Variants in NARS2 observed in about 807,000 individuals in gnomAD.
The protein encoded by NARS2 is asparaginyl-tRNA synthetase 2, mitochondrial.
In NARS2, 60 loss-of-function variants were observed where a neutral mutation model predicts 62.9. The observed-to-expected ratio is 0.95, with a 90% CI of 0.77 to 1.18. NARS2 has a LOEUF of 1.18. NARS2 is among the 50% of genes most tolerant of loss of function. The probability of loss-of-function intolerance (pLI) is 0.00; values close to 1 mark genes in which losing one functional copy is unlikely to be tolerated. For missense variants in NARS2, 619 were observed against 576.4 expected, an observed-to-expected ratio of 1.07 and a Z score of -0.76; for synonymous variants, 196 against 200.0, an observed-to-expected ratio of 0.98 and a Z score of 0.17.
At chr11:78,489,646 A>T (rs1233642029) in intron 7 of NARS2, among the ~76,000 whole-genome samples, 2 of 152,178 alleles carry the variant, frequency 1.3e-5, no homozygotes, top group Non-Finnish European at 2.9e-5. Flanking sequence ...TCCCTTCTGG[A>T]TACCAAAAGA....
intron 10 of NARS2, among the ~76,000 whole-genome samples, chr11:78,466,505 G>C (rs1858629240): frequency 6.6e-6 from 1 of 151,932 alleles, no homozygotes. Flanking sequence ...TTTTGAGACA[G>C]AGTCTGGCTG....
intron 5 of NARS2, among the ~76,000 whole-genome samples, chr11:78,553,249 T>C (rs1210245145): frequency 2.6e-5 from 4 of 152,164 alleles, no homozygotes; most frequent in African/African-American, 4.8e-5. Flanking sequence ...GCCTCAAGCA[T>C]GTCTTCTAAC....
At chr11:78,477,761 C>T (rs1358793625) in intron 9 of NARS2, among the ~76,000 whole-genome samples, 1 of 152,156 alleles carries the variant, frequency 6.6e-6, no homozygotes, top group African/African-American at 2.4e-5. Context: ...GACTAATCTC[C>T]TCCTGAGAAA....
At chr11:78,441,192 G>T in intron 12 of NARS2, 75 bp from the exon 13 acceptor site, 1 of 1,371,280 alleles carries the variant, frequency 7.3e-7, no homozygotes, top group Non-Finnish European at 1.0e-6. Context: ...TTTATTCTGG[G>T]TGTGTGCAAA....
intron 6 of NARS2, among the ~76,000 whole-genome samples, chr11:78,508,235 T>C (rs768162989): frequency 6.2e-4 from 94 of 152,018 alleles, no homozygotes; most frequent in Non-Finnish European, 1.1e-3. Flanking sequence ...AGAGATTAAG[T>C]GACCTGTGGG....
At chr11:78,481,470 A>G (rs1422035442) in intron 7 of NARS2, among the ~76,000 whole-genome samples, 1 of 152,184 alleles carries the variant, frequency 6.6e-6, no homozygotes, top group Non-Finnish European at 1.5e-5. Flanking sequence ...ATATGCCTGC[A>G]CTGTTGAGGG....
intron 6 of NARS2, among the ~76,000 whole-genome samples, chr11:78,508,921 C>G (rs1860608900): frequency 6.6e-6 from 1 of 151,920 alleles, no homozygotes; most frequent in Non-Finnish European, 1.5e-5. Flanking sequence ...TTGAGACCAG[C>G]CTGGCCAACA....
intron 11 of NARS2, among the ~76,000 whole-genome samples, chr11:78,464,170 C>G (rs941690712): frequency 8.6e-5 from 13 of 150,986 alleles, no homozygotes; most frequent in African/African-American, 3.2e-4. Context: ...GCTCTTTAGG[C>G]GGCGTGTCTG....
In NARS2 at chr11:78,436,831, G is replaced by GA. The variant is rs770946842; in HGVS notation, c.1290-18dup. Reference sequence around the variant, plus strand: ...TCCAGATACCTGTTTTTCAAAAATAGAAAATCATCATCTATATATAGTATA... The same window carrying GA: ...TCCAGATACCTGTTTTTCAAAAATAGAAAAATCATCATCTATATATAGTATA... On this transcript the variant is annotated splice_polypyrimidine_tract_variant and intron_variant, in intron 13 of 13. Coordinates refer to ENST00000281038, the MANE Select transcript of NARS2 (RefSeq NM_024678.6). 4 of 1,611,544 alleles carry GA rather than the reference G, an allele frequency of 2.5e-6. No homozygotes were observed. In the East Asian group the frequency reaches 8.9e-5, roughly 36 times the overall value.
intron 4 of NARS2, among the ~76,000 whole-genome samples, chr11:78,563,844 AAAAAAAAATAT>A (rs1590870587): frequency 1.5e-5 from 1 of 66,096 alleles, no homozygotes; most frequent in South Asian, 5.2e-4. Context: ...AAAAAAAAAA[AAAAAAAAATAT>A]ATATATATAT....
At chr11:78,449,172 G>A (rs1350758671) in intron 11 of NARS2, among the ~76,000 whole-genome samples, 2 of 118,090 alleles carry the variant, frequency 1.7e-5, no homozygotes, top group Non-Finnish European at 3.2e-5. Context: ...GTCTTGCTCT[G>A]TCACCCAGGC....
At chr11:78,544,275 T>C (rs996942967) in intron 5 of NARS2, among the ~76,000 whole-genome samples, 6 of 152,324 alleles carry the variant, frequency 3.9e-5, no homozygotes, top group African/African-American at 1.4e-4. Context: ...AATATTCTTA[T>C]AATGGCCTAA....
intron 1 of NARS2, chr11:78,573,126 G>A (rs1856990130): frequency 6.6e-6 from 1 of 152,194 alleles, no homozygotes; most frequent in South Asian, 2.1e-4. Flanking sequence ...GGAGCAGATT[G>A]GTCATACCGC....
In NARS2 at chr11:78,463,647, T is replaced by C. The variant is rs938750793; in HGVS notation, c.1164+2229A>G. Among the ~76,000 whole-genome samples, 10 of 137,342 alleles carry C rather than the reference T, an allele frequency of 7.3e-5. No individual in the cohort carries two copies. The East Asian group carries it at 1.2e-3, about 16-fold the overall frequency. The allele number at this position is 137,342 out of a possible 152,430, so 90.1% of individuals were successfully genotyped here. A position where few individuals can be genotyped will look rare whatever the true frequency, so the allele number is the denominator to read the frequency against. ...GTTGCAGTGAGCTGAGATCACGCCA[T>C]TGCACCCCAGCCTGGGTGACAAGAG... On this transcript the variant is annotated intron_variant, in intron 11 of 13. Transcript: ENST00000281038.
intron 2 of NARS2, among the ~76,000 whole-genome samples, chr11:78,570,852 G>C (rs1369114530): frequency 6.6e-6 from 1 of 152,162 alleles, no homozygotes; most frequent in Non-Finnish European, 1.5e-5. Flanking sequence ...GATTCAAATA[G>C]GAATACAGTT....
intron 6 of NARS2, among the ~76,000 whole-genome samples, chr11:78,525,267 C>T (rs1861255442): frequency 6.6e-6 from 1 of 151,842 alleles, no homozygotes; most frequent in Admixed American, 6.6e-5. Context: ...AGTGAATGCT[C>T]GTAAAAGCTA....
intron 9 of NARS2, among the ~76,000 whole-genome samples, chr11:78,474,457 A>C (rs958970332): frequency 2.0e-5 from 3 of 152,262 alleles, no homozygotes; most frequent in African/African-American, 7.2e-5. Flanking sequence ...AAAAAATAAT[A>C]ATTTACTCAT....
At position 78,520,554 on chromosome 11, in the gene NARS2, G is replaced by A. The variant is rs1404759477; in HGVS notation, c.689+8288C>T. Among the ~76,000 whole-genome samples, 5 of 152,262 alleles carry A rather than the reference G, an allele frequency of 3.3e-5. No individual in the cohort carries two copies. The East Asian group carries it at 9.6e-4, about 29-fold the overall frequency. On this transcript the variant is annotated intron_variant, in intron 6 of 13. Transcript: ENST00000281038. ...TGTCTTTTTTCAGGACACGGTTCAAGCAACTGTGGAGGTTTATCCATAAAA... is the reference window on the plus strand; with the variant it reads ...TGTCTTTTTTCAGGACACGGTTCAAACAACTGTGGAGGTTTATCCATAAAA...
At chr11:78,446,520 G>A (rs1014636023) in intron 11 of NARS2, among the ~76,000 whole-genome samples, 2 of 152,082 alleles carry the variant, frequency 1.3e-5, no homozygotes, top group African/African-American at 4.8e-5. Flanking sequence ...TAAAAATTTT[G>A]TTCTTTTCTT....
Sources: allele counts gnomAD v4.1 joint callset (sites outside exome capture counted in the v4.1 genomes callset), GRCh38; gene constraint gnomAD v4.1.1; transcripts MANE v1.5; gene names NCBI Gene and HGNC (gene_info 2026-07-23, HGNC 2026-07-21).